THYN1: variants seen among roughly 807,000 people sequenced by gnomAD.
THYN1 encodes thymocyte protein thy28.
Under a neutral mutation model 30.6 loss-of-function variants are expected in THYN1, and 32 were observed. The observed-to-expected ratio is 1.05, with a 90% confidence interval of 0.79 to 1.40. The LOEUF (loss-of-function observed/expected upper bound fraction) is 1.40. Among genes scored for constraint, THYN1 ranks in the 40% most tolerant of loss-of-function variants. THYN1 has a pLI of 0.00. For synonymous variants in THYN1, 107 were observed against 90.8 expected (o/e 1.18, Z -1.01); for missense variants, 259 against 272.6 (o/e 0.95, Z 0.35).
Position 134,249,893 on chromosome 11 carries a change from G to A in THYN1, c.319C>T (p.Leu107=). The change falls in exon 4 of 7, where the codon CTG becomes TTG. Residue 107 remains leucine (L), a synonymous_variant. Coordinates refer to ENST00000341541, the MANE Select transcript of THYN1 (RefSeq NM_014174.3). ...TGGTAGAAGAAGGCTTCTTCTCCCA[G>A]CTTCATGGCTCTAAGGAAGTTCCGA... The part of the protein sequence containing the change: ...QARNFLRAMK[L]GEEAFFYHSN... 5 of 1,614,078 alleles carry A rather than the reference G, an allele frequency of 3.1e-6. No individual in the cohort carries two copies. Among genetic ancestry groups the A allele is most frequent in the Non-Finnish European group, 4.2e-6 (5 of 1,180,000 alleles).
At chr11:134,249,708 G>A (rs551868433) in intron 4 of THYN1, 120 bp downstream of exon 4, 4 of 974,948 alleles carry the variant, frequency 4.1e-6, no homozygotes, top group Non-Finnish European at 6.1e-6. Flanking sequence ...CCTGTAAAAG[G>A]GGGATGGGGT....
intron 1 of THYN1, among the ~76,000 whole-genome samples, chr11:134,252,363 C>A (rs568390695): frequency 1.6e-4 from 25 of 152,286 alleles, no homozygotes; most frequent in Middle Eastern, 6.8e-3. Flanking sequence ...CCTCCTCCTC[C>A]ATCCACTTAG....
intron 1 of THYN1, chr11:134,251,524 G>A: frequency 3.7e-6 from 2 of 543,058 alleles, no homozygotes; most frequent in Non-Finnish European, 6.4e-6. Flanking sequence ...CTATTCAATA[G>A]GGTAAGAACA....
At position 134,248,356 on chromosome 11, in the gene THYN1, C is replaced by CT. The variant is rs1938886855; in HGVS notation, c.*81_*82insA. On this transcript the variant is annotated 3_prime_UTR_variant, in exon 7 of 7. Coordinates refer to ENST00000341541, the MANE Select transcript of THYN1 (RefSeq NM_014174.3). ...CACAAGCCCAGGTAAGCATACCAAG[C>CT]AAGCCCCCTCACACCTTTTGTCTGA... 1 of 1,518,690 alleles carries CT rather than the reference C, an allele frequency of 6.6e-7. No individual in the cohort carries two copies. The highest frequency in any genetic ancestry group is 1.7e-5 in the Admixed American group (1 of 59,896). The allele number at this position is 1,518,690 out of a possible 1,614,324, so 94.1% of individuals were successfully genotyped here.
chr11:134,250,612 CTTTATA>C (rs557228281), intron 2 of THYN1, among the ~76,000 whole-genome samples: 84 of 152,208 alleles, frequency 5.5e-4, no homozygotes, highest in Middle Eastern at 3.4e-3. Context: ...TTGCATTTTA[CTTTATA>C]TTTATAATAG....
Position 134,253,275 on chromosome 11 carries a change from T to G in THYN1, c.-393A>C. 1.5e-6 allele frequency: 2 copies of G among 1,345,566 alleles called. No individual in the cohort carries two copies. Among genetic ancestry groups the G allele is most frequent in the Non-Finnish European group, 1.9e-6 (2 of 1,048,974 alleles). 83.4% of individuals were successfully genotyped at this position (1,345,566 alleles called of 1,614,324 possible). ...TCAACTGAATGGATAATCTAGATGA[T>G]GAAGTAATTTGCTGGCTACAGACCC... is the stretch of plus-strand genomic sequence containing the variant. On this transcript the variant is annotated 5_prime_UTR_variant, in exon 1 of 7. Transcript: ENST00000341541.
chr11:134,251,102 G>T, intron 2 of THYN1, 28 bp downstream of exon 2: 1 of 1,571,586 alleles, frequency 6.4e-7, no homozygotes, highest in Non-Finnish European at 8.6e-7. Context: ...ACACCATGAA[G>T]GGACTGGAGA....
At chr11:134,249,313 G>A (rs1348366907) in intron 4 of THYN1, 51 bp from the exon 5 acceptor site, 2 of 1,560,122 alleles carry the variant, frequency 1.3e-6, no homozygotes, top group African/African-American at 2.7e-5. Flanking sequence ...CAGCTCCACA[G>A]CCAATCTTTT....
intron 5 of THYN1, 70 bp downstream of exon 5, chr11:134,249,097 A>AC: frequency 6.4e-7 from 1 of 1,557,322 alleles, no homozygotes; most frequent in Non-Finnish European, 8.8e-7. Flanking sequence ...CTTGACCTAC[A>AC]GTCACCCCAA....
chr11:134,253,297 AC>A lies in THYN1; in HGVS notation c.-416del, dbSNP rs1246441664. The A allele has an allele frequency of 3.6e-6, 5 of 1,384,174 alleles. No homozygotes were observed. In the African/African-American group the frequency reaches 5.9e-5, roughly 16 times the overall value. The allele number at this position is 1,384,174 out of a possible 1,614,324, so 85.7% of individuals were successfully genotyped here. On this transcript the variant is annotated 5_prime_UTR_variant, in exon 1 of 7. Transcript: ENST00000341541. Reference sequence around the variant, plus strand: ...TGATGAAGTAATTTGCTGGCTACAGACCCAACACTCTGCAGACTCGACTGCG... The same window carrying A: ...TGATGAAGTAATTTGCTGGCTACAGACCAACACTCTGCAGACTCGACTGCG...
chr11:134,250,331 C>T lies in THYN1; in HGVS notation c.235G>A (p.Asp79Asn), dbSNP rs758523702. 2 of 1,614,008 alleles carry T rather than the reference C, an allele frequency of 1.2e-6. No homozygotes were observed. The highest frequency in any genetic ancestry group is 1.3e-5 in the African/African-American group (1 of 74,910). The change falls in exon 3 of 7, where the codon GAT becomes AAT. Residue 79 changes from aspartate (D) to asparagine (N), a missense_variant. Physicochemically the swap from Asp to Asn is conservative, Grantham distance 23. Coordinates refer to ENST00000341541, the MANE Select transcript of THYN1 (RefSeq NM_014174.3). ...GTCTGTTTGGGCTGTGCTTTGAGAT[C>T]CTCAATGCTGAACTAGGCAAGAGGA... ...KGVDVKFSIE[D>N]LKAQPKQTTC...
intron 1 of THYN1, chr11:134,251,544 G>A: frequency 2.1e-6 from 1 of 470,564 alleles, no homozygotes; most frequent in East Asian, 3.6e-5. Flanking sequence ...ACCTTACAGG[G>A]TTGTTCAGGA....
rs562571264 is a variant in THYN1, at chr11:134,253,331, T to C, written c.-449A>G. The C allele has an allele frequency of 1.0e-4, 142 of 1,404,244 alleles. No homozygotes were observed. The East Asian group carries it at 3.3e-3, about 32-fold the overall frequency. The allele number at this position is 1,404,244 out of a possible 1,614,324, so 87.0% of individuals were successfully genotyped here. ...TCTGCAGACTCGACTGCGGTCCGCC[T>C]CCGCTGCGCCGCAGGCTGTGCAGCG... is the stretch of plus-strand genomic sequence containing the variant. On this transcript the variant is annotated 5_prime_UTR_variant, in exon 1 of 7. Transcript: ENST00000341541.
At chr11:134,252,727 A>G in intron 1 of THYN1, 113 bp downstream of exon 1, 2 of 1,239,388 alleles carry the variant, frequency 1.6e-6, no homozygotes, top group South Asian at 2.5e-5. Context: ...ATAATGGAGT[A>G]AAAATATCAC....
chr11:134,252,453 T>C (rs1159787086), intron 1 of THYN1, among the ~76,000 whole-genome samples: 1 of 152,174 alleles, frequency 6.6e-6, no homozygotes, highest in Non-Finnish European at 1.5e-5. Flanking sequence ...AGTCTCCCAT[T>C]CTTCAAGGCT....
rs199618847 is a variant in THYN1 at position 134,250,267 on chromosome 11, C to T, written c.291+8G>A. ...GGGTCTCAGGCGACCTCCTCCTTAC[C>T]CTCTTACCTGGTAGTTACGAACACC... On this transcript the variant is annotated splice_region_variant and intron_variant, in intron 3 of 6. Transcript: ENST00000341541. 2.7e-5 allele frequency: 43 copies of T among 1,613,946 alleles called. No homozygotes were observed. Among genetic ancestry groups the T allele is most frequent in the Non-Finnish European group, 3.3e-5 (39 of 1,179,962 alleles).
chr11:134,251,216 T>C lies in THYN1; in HGVS notation c.136A>G (p.Thr46Ala). 6.2e-7 allele frequency: 1 copy of C among 1,614,232 alleles called. No homozygotes were observed. The change falls in exon 2 of 7, where the codon ACT (threonine) becomes GCT (alanine). Residue 46 changes from threonine to alanine, a missense_variant. Transcript: ENST00000341541. ...EDSNPQKTSATKNCLKNLSSH... is the reference protein window; with the variant it reads ...EDSNPQKTSAAKNCLKNLSSH... ...CTTAGATTCTTCAAACAGTTTTTAGTGGCTGAAGTCTTCTGAGGGTTGGAG... is the reference window on the plus strand; with the variant it reads ...CTTAGATTCTTCAAACAGTTTTTAGCGGCTGAAGTCTTCTGAGGGTTGGAG...
At chr11:134,250,470 A>T in intron 2 of THYN1, 127 bp from the exon 3 acceptor site, 1 of 995,740 alleles carries the variant, frequency 1.0e-6, no homozygotes, top group Admixed American at 2.2e-5. Context: ...TATGTAGTTC[A>T]CCGGGAAGTG....
chr11:134,253,190 A>G lies in THYN1; in HGVS notation c.-308T>C. ...CACTGGGAAGTGGCTCCACAGAGAC[A>G]CTTTTGTTGGGTGAATATAAGTAAG... On this transcript the variant is annotated 5_prime_UTR_variant, in exon 1 of 7. Transcript: ENST00000341541. 1 of 1,328,224 alleles carries G rather than the reference A, an allele frequency of 7.5e-7. No individual in the cohort carries two copies. Among genetic ancestry groups the G allele is most frequent in the Non-Finnish European group, 9.6e-7 (1 of 1,042,012 alleles). The allele number at this position is 1,328,224 out of a possible 1,614,324, so 82.3% of individuals were successfully genotyped here.
Sources: allele counts gnomAD v4.1 joint callset (sites outside exome capture counted in the v4.1 genomes callset), GRCh38; gene constraint gnomAD v4.1.1; transcripts MANE v1.5; gene names NCBI Gene and HGNC (gene_info 2026-07-23, HGNC 2026-07-21).